Variants in DUSP5 observed in about 807,000 individuals in gnomAD.
DUSP5 encodes the protein dual specificity phosphatase 5, also known as dual specificity protein phosphatase 5.
Under a neutral mutation model 33.6 loss-of-function variants are expected in DUSP5, and 22 were observed. The observed-to-expected ratio is 0.66, with a 90% CI of 0.47 to 0.94. The LOEUF is 0.94. DUSP5 is among the 40% of genes least tolerant of loss of function. The probability of loss-of-function intolerance (pLI) is 0.00; values close to 1 mark genes in which losing one functional copy is unlikely to be tolerated. For synonymous variants in DUSP5, 270 were observed against 231.1 expected (o/e 1.17, Z -1.53); for missense variants, 551 against 522.1 (o/e 1.06, Z -0.54).
chr10:110,510,251 C>T lies in DUSP5; in HGVS notation c.980C>T (p.Pro327Leu), dbSNP rs773603037. Residue 327 changes from proline (P) to leucine (L), a missense_variant, in exon 4 of 4, where the codon CCC becomes CTC. By Grantham distance (98) the Pro-to-Leu change is moderately conservative. Transcript: ENST00000369583. ...ILPSTPNPQP[P>L]SCQGEAAGSS... is the part of the protein sequence containing the mutation. ...CCCTCCACGCCCAACCCCCAGCCTC[C>T]CTCCTGCCAAGGGGAGGCAGCAGGC... The T allele has an allele frequency of 6.2e-7, 1 of 1,614,140 alleles. No homozygotes were observed. Among genetic ancestry groups the T allele is most frequent in the Non-Finnish European group, 8.5e-7 (1 of 1,180,036 alleles).
rs1432672945 is a variant in DUSP5, at chr10:110,498,044, A to G, written c.-78A>G. The G allele has an allele frequency of 1.4e-5, 15 of 1,052,486 alleles. No individual in the cohort carries two copies. The African/African-American group carries it at 2.1e-4, about 15-fold the overall frequency. The allele number at this position is 1,052,486 out of a possible 1,614,324, so 65.2% of individuals were successfully genotyped here. ...GCCCTCCCGTGCCTCGCCCGCGGAC[A>G]CCCTGGCCGTGGACACCCTGGCCGT... On this transcript the variant is annotated 5_prime_UTR_variant, in exon 1 of 4. Transcript: ENST00000369583.
rs774167871 is a variant in DUSP5, at chr10:110,498,296, G to C, written c.175G>C (p.Ala59Pro). 2 of 1,434,008 alleles carry C rather than the reference G, an allele frequency of 1.4e-6. No homozygotes were observed. The highest frequency in any genetic ancestry group is 9.2e-7 in the Non-Finnish European group (1 of 1,088,196). 88.8% of individuals were successfully genotyped at this position (1,434,008 alleles called of 1,614,324 possible). Residue 59 changes from alanine to proline, a missense_variant, in exon 1 of 4, where the codon GCG (alanine) becomes CCG (proline). By Grantham distance (27) the Ala-to-Pro change is conservative. Coordinates refer to ENST00000369583, the MANE Select transcript of DUSP5 (RefSeq NM_004419.4). ...SVVLRRARGG[A>P]VSARYVLPDE... is the part of the protein sequence containing the mutation. ...GGTGCTGCGGCGGGCCCGGGGCGGC[G>C]CGGTGTCGGCGCGCTACGTGCTGCC... is the stretch of plus-strand genomic sequence containing the variant.
In DUSP5 at chr10:110,498,450, C is replaced by G; in HGVS notation, c.329C>G (p.Thr110Ser). The G allele has an allele frequency of 2.6e-6, 4 of 1,542,786 alleles. No individual in the cohort carries two copies. The highest frequency in any genetic ancestry group is 3.5e-6 in the Non-Finnish European group (4 of 1,153,630). The part of the protein sequence containing the change: ...REESAARVVL[T>S]SLLACLPAGP... The stretch of plus-strand genomic sequence containing the variant: ...GAGAGCGCCGCGCGTGTCGTCCTCA[C>G]CTCGCTACTCGCTTGCCTACCCGCC... Residue 110 changes from threonine to serine, a missense_variant, in exon 1 of 4, where the codon ACC becomes AGC. Thr to Ser is a moderately conservative substitution (Grantham distance 58). Around this residue, in one of 3 missense-constraint regions of DUSP5, gnomAD observed 381 missense variants for 310.4 expected, o/e 1.23. Coordinates refer to ENST00000369583, the MANE Select transcript of DUSP5 (RefSeq NM_004419.4).
In DUSP5 at chr10:110,510,134, A is replaced by T. The variant is rs562848514; in HGVS notation, c.863A>T (p.Glu288Val). The change falls in exon 4 of 4, where the codon GAG becomes GTG. Residue 288 changes from glutamate to valine, a missense_variant. By Grantham distance (121) the Glu-to-Val change is moderately radical (BLOSUM62 -2). Coordinates refer to ENST00000369583, the MANE Select transcript of DUSP5 (RefSeq NM_004419.4). ...LMKTKQFRLK[E>V]AFDYIKQRRS... Reference sequence around the variant, plus strand: ...AAGACCAAGCAGTTCCGCCTGAAGGAGGCCTTCGATTACATCAAGCAGAGG... The same window carrying T: ...AAGACCAAGCAGTTCCGCCTGAAGGTGGCCTTCGATTACATCAAGCAGAGG... The T allele has an allele frequency of 6.2e-7, 1 of 1,614,018 alleles. No individual in the cohort carries two copies. The highest frequency in any genetic ancestry group is 1.7e-5 in the Admixed American group (1 of 60,008).
At chr10:110,506,141 C>T (rs910298239) in intron 2 of DUSP5, among the ~76,000 whole-genome samples, 1 of 152,142 alleles carries the variant, frequency 6.6e-6, no homozygotes, top group Admixed American at 6.5e-5. Context: ...ATGAAATACA[C>T]CATATAGGCT....
At chr10:110,509,342 A>G (rs377699615) in intron 3 of DUSP5, among the ~76,000 whole-genome samples, 1 of 152,210 alleles carries the variant, frequency 6.6e-6, no homozygotes, top group Non-Finnish European at 1.5e-5. Context: ...AGCCATTTAT[A>G]TCCTCCGTCT....
intron 3 of DUSP5, among the ~76,000 whole-genome samples, chr10:110,508,585 G>GC (rs1860148142): frequency 6.6e-6 from 1 of 152,312 alleles, no homozygotes; most frequent in South Asian, 2.1e-4. Flanking sequence ...AGGGAAGAGG[G>GC]CCATGTGGAA....
chr10:110,508,693 G>T (rs762418672), intron 3 of DUSP5, among the ~76,000 whole-genome samples: 2 of 152,230 alleles, frequency 1.3e-5, no homozygotes, highest in Non-Finnish European at 2.9e-5. Context: ...GCTAAACTTT[G>T]AAGGAGGCCA....
At chr10:110,505,233 T>G (rs1458797112) in intron 2 of DUSP5, among the ~76,000 whole-genome samples, 2 of 152,236 alleles carry the variant, frequency 1.3e-5, no homozygotes, top group African/African-American at 4.8e-5. Flanking sequence ...GTTTTGGGTT[T>G]CAGCCCAGCT....
intron 3 of DUSP5, among the ~76,000 whole-genome samples, chr10:110,507,499 G>C (rs1860133405): frequency 6.6e-6 from 1 of 152,234 alleles, no homozygotes; most frequent in African/African-American, 2.4e-5. Flanking sequence ...CCCTAACTGT[G>C]CTTCTACGTA....
chr10:110,509,979 T>A, intron 3 of DUSP5, 41 bp from the exon 4 acceptor site: 1 of 1,540,834 alleles, frequency 6.5e-7, no homozygotes, highest in African/African-American at 1.4e-5. Flanking sequence ...GCCCTTAGAT[T>A]CTAATCCCAA....
intron 2 of DUSP5, 65 bp downstream of exon 2, chr10:110,502,934 C>G: frequency 1.9e-6 from 3 of 1,595,708 alleles, no homozygotes; most frequent in South Asian, 1.1e-5. Context: ...CCCTTCCTTC[C>G]TCAGCACCTG....
At chr10:110,508,981 A>C (rs1051156104) in intron 3 of DUSP5, among the ~76,000 whole-genome samples, 4 of 152,102 alleles carry the variant, frequency 2.6e-5, no homozygotes, top group Non-Finnish European at 4.4e-5. Flanking sequence ...GAGGGTGGTA[A>C]GGGGAATGAC....
At chr10:110,505,838 G>GGT (rs777118722) in intron 2 of DUSP5, among the ~76,000 whole-genome samples, 26 of 152,160 alleles carry the variant, frequency 1.7e-4, no homozygotes, top group Non-Finnish European at 3.5e-4. Context: ...TTTGCCTCAA[G>GGT]GTGGATGGTC....
At chr10:110,501,707 T>C (rs749634538) in intron 1 of DUSP5, among the ~76,000 whole-genome samples, 3 of 152,188 alleles carry the variant, frequency 2.0e-5, no homozygotes, top group East Asian at 1.9e-4. Context: ...CTCAGGTTGC[T>C]CTCTGGGTTA....
intron 3 of DUSP5, among the ~76,000 whole-genome samples, chr10:110,509,493 C>CT (rs1860159891): frequency 6.6e-6 from 1 of 152,202 alleles, no homozygotes; most frequent in Non-Finnish European, 1.5e-5. Flanking sequence ...CGGAAGGCCT[C>CT]TACCAGGATC....
At chr10:110,505,893 C>CA (rs1283017017) in intron 2 of DUSP5, among the ~76,000 whole-genome samples, 3 of 152,174 alleles carry the variant, frequency 2.0e-5, no homozygotes. Flanking sequence ...GGTAGCCTCC[C>CA]AAAAGGATGG....
Position 110,498,205 on chromosome 10 carries a change from C to T in DUSP5, c.84C>T (p.Cys28=). ...CGGCGCGCTGCGTGGTGCTCGACTG[C>T]CGGCCCTATCTGGCCTTCGCTGCCT... ...EAAARCVVLD[C]RPYLAFAASN... is the part of the protein sequence containing the mutation. The change falls in exon 1 of 4, where the codon TGC becomes TGT. Residue 28 remains cysteine, a synonymous_variant. Coordinates refer to ENST00000369583, the MANE Select transcript of DUSP5 (RefSeq NM_004419.4). The T allele has an allele frequency of 6.6e-7, 1 of 1,509,456 alleles. No homozygotes were observed. The highest frequency in any genetic ancestry group is 1.9e-5 in the Admixed American group (1 of 52,410). The allele number at this position is 1,509,456 out of a possible 1,614,324, so 93.5% of individuals were successfully genotyped here.
intron 1 of DUSP5, 56 bp downstream of exon 1, chr10:110,498,556 C>T: frequency 8.0e-6 from 11 of 1,377,406 alleles, no homozygotes; most frequent in Non-Finnish European, 1.0e-5. Context: ...GGGTCCCCTC[C>T]CTGCGCCGGG....
Sources: allele counts gnomAD v4.1 joint callset (sites outside exome capture counted in the v4.1 genomes callset), GRCh38; gene constraint gnomAD v4.1.1; regional missense constraint gnomAD v4.1.1; transcripts MANE v1.5; gene names NCBI Gene and HGNC (gene_info 2026-07-23, HGNC 2026-07-21).